Variants in DHDDS observed in about 807,000 individuals in gnomAD.
The protein encoded by DHDDS is dehydrodolichyl diphosphate synthase complex subunit DHDDS.
DHDDS carries 16 observed loss-of-function variants against 46.2 expected under a neutral mutation model. The observed-to-expected ratio is 0.35, with a 90% CI of 0.23 to 0.53. The LOEUF is 0.53. Ranked by LOEUF, DHDDS falls within the 20% of genes least tolerant of loss-of-function variation. The pLI is 0.94. For missense variants in DHDDS, 340 were observed against 423.7 expected, an observed-to-expected ratio of 0.80 and a Z score of 1.73; for synonymous variants, 151 against 163.1, an observed-to-expected ratio of 0.93 and a Z score of 0.56.
At chr1:26,449,784 C>T (rs1570347104) in intron 6 of DHDDS, among the ~76,000 whole-genome samples, 1 of 151,962 alleles carries the variant, frequency 6.6e-6, no homozygotes. Flanking sequence ...GTCTCAAACT[C>T]CCCACCTCAG....
rs868066836 is a variant in DHDDS, at chr1:26,465,793, A to G, written c.766-3102A>G. 5.3e-5 allele frequency among the ~76,000 whole-genome samples: 8 copies of G among 151,964 alleles called. No homozygotes were observed. The South Asian group carries it at 1.7e-3, about 32-fold the overall frequency. On this transcript the variant is annotated intron_variant, in intron 8 of 8. Transcript: ENST00000236342. ...CCAGTACAACTCCCCAGGCAAGGAG[A>G]CTCTGAGGGTGCTTCAGAACATCAT...
chr1:26,433,267 A>T (rs538099565), intron 2 of DHDDS: 1 of 544,684 alleles, frequency 1.8e-6, no homozygotes, highest in Non-Finnish European at 3.3e-6. Context: ...CTTTATAGAG[A>T]ACTGAAATTT....
At chr1:26,433,084 T>G (rs1387260022) in intron 2 of DHDDS, 76 bp downstream of exon 2, 8 of 1,501,152 alleles carry the variant, frequency 5.3e-6, no homozygotes, top group Non-Finnish European at 7.4e-6. Flanking sequence ...TTATTAAAGT[T>G]GATGATGTTA....
At chr1:26,451,350 C>T (rs1054897583) in intron 6 of DHDDS, among the ~76,000 whole-genome samples, 3 of 151,864 alleles carry the variant, frequency 2.0e-5, no homozygotes, top group Non-Finnish European at 4.4e-5. Flanking sequence ...TTCCTGATTT[C>T]TCACTATCAC....
chr1:26,434,054 T>G (rs1321625125), intron 2 of DHDDS, among the ~76,000 whole-genome samples: 2 of 152,170 alleles, frequency 1.3e-5, no homozygotes, highest in African/African-American at 4.8e-5. Flanking sequence ...GTTCTATCAT[T>G]TAGTAATCAT....
rs2075532834 is a variant in DHDDS, at chr1:26,469,656, C to T, written c.*525C>T. On this transcript the variant is annotated 3_prime_UTR_variant, in exon 9 of 9. Coordinates refer to ENST00000236342, the MANE Select transcript of DHDDS (RefSeq NM_205861.3). ...ATTTGCCCATCTGCTGCTCCTCCCC[C>T]TTGGCTCTCCACCTGGGATTTGCTA... 4.4e-6 allele frequency: 1 copy of T among 229,312 alleles called. No individual in the cohort carries two copies. The highest frequency in any genetic ancestry group is 5.1e-5 in the Admixed American group (1 of 19,492). The allele number at this position is 229,312 out of a possible 1,614,324, so 14.2% of individuals were successfully genotyped here.
chr1:26,468,756 C>A, intron 8 of DHDDS, 139 bp from the exon 9 acceptor site: 1 of 1,235,072 alleles, frequency 8.1e-7, no homozygotes. Context: ...ACTCCCAAGC[C>A]TTTTCAAATC....
rs1386486472 is a variant in DHDDS at position 26,469,367 on chromosome 1, G to A, written c.*236G>A. The stretch of plus-strand genomic sequence containing the variant: ...CACGAGTACACTAAACCTAGGTCTG[G>A]TCACCAATAGGGTTTGGAGAGCAAA... On this transcript the variant is annotated 3_prime_UTR_variant, in exon 9 of 9. Coordinates refer to ENST00000236342, the MANE Select transcript of DHDDS (RefSeq NM_205861.3). 7.3e-6 allele frequency: 5 copies of A among 681,436 alleles called. No homozygotes were observed. In the African/African-American group the frequency reaches 9.0e-5, roughly 12 times the overall value. The allele number at this position is 681,436 out of a possible 1,614,324, so 42.2% of individuals were successfully genotyped here. A position where few individuals can be genotyped will look rare whatever the true frequency, so the allele number is the denominator to read the frequency against.
At chr1:26,448,317 G>T (rs1009885741) in intron 6 of DHDDS, 3 of 153,376 alleles carry the variant, frequency 2.0e-5, no homozygotes, top group Admixed American at 2.0e-4. Flanking sequence ...GGGACTACAG[G>T]TGCATGCCAC....
chr1:26,432,903 G>C lies in DHDDS; in HGVS notation c.-43G>C, dbSNP rs2075117884. On this transcript the variant is annotated 5_prime_UTR_variant, in exon 2 of 9. Coordinates refer to ENST00000236342, the MANE Select transcript of DHDDS (RefSeq NM_205861.3). ...TTGTTTATCCAAGATTACCTGGCTGGTGTTTGCTTGTTCTGGAGTGATCTT... is the reference window on the plus strand; with the variant it reads ...TTGTTTATCCAAGATTACCTGGCTGCTGTTTGCTTGTTCTGGAGTGATCTT... 1 of 1,601,432 alleles carries C rather than the reference G, an allele frequency of 6.2e-7. No individual in the cohort carries two copies. Among genetic ancestry groups the C allele is most frequent in the South Asian group, 1.1e-5 (1 of 90,772 alleles).
At chr1:26,451,604 C>T (rs2075321195) in intron 6 of DHDDS, among the ~76,000 whole-genome samples, 1 of 151,116 alleles carries the variant, frequency 6.6e-6, no homozygotes, top group South Asian at 2.1e-4. Flanking sequence ...TATAGGTGCA[C>T]ACCACCACAC....
intron 6 of DHDDS, chr1:26,448,018 G>A (rs2075286083): frequency 1.9e-6 from 1 of 516,684 alleles, no homozygotes; most frequent in East Asian, 3.1e-5. Context: ...AAACCCCAGA[G>A]AAAGAGCAAA....
chr1:26,462,150 G>T (rs1041035265), intron 8 of DHDDS, among the ~76,000 whole-genome samples: 6 of 150,894 alleles, frequency 4.0e-5, no homozygotes, highest in Admixed American at 6.6e-5. Flanking sequence ...CTCCCAAGTA[G>T]CTAGGACTAT....
intron 8 of DHDDS, among the ~76,000 whole-genome samples, chr1:26,462,555 A>G (rs950908509): frequency 6.6e-6 from 1 of 152,166 alleles, no homozygotes; most frequent in Non-Finnish European, 1.5e-5. Flanking sequence ...TAAATCAGCT[A>G]TAGACAAGGA....
chr1:26,469,305 G>T lies in DHDDS; in HGVS notation c.*174G>T, dbSNP rs1022655060. On this transcript the variant is annotated 3_prime_UTR_variant, in exon 9 of 9. Coordinates refer to ENST00000236342, the MANE Select transcript of DHDDS (RefSeq NM_205861.3). ...CCATAGATACCTTTGGGCTGCCTGG[G>T]ACAGGCTCCTGAGGAGGATTGAGGG... The T allele has an allele frequency of 4.4e-5, 53 of 1,211,674 alleles. No individual in the cohort carries two copies. Among genetic ancestry groups the T allele is most frequent in the African/African-American group, 6.0e-5 (4 of 66,814 alleles). 75.1% of individuals were successfully genotyped at this position (1,211,674 alleles called of 1,614,324 possible).
chr1:26,438,451 G>A (rs1031262461), intron 3 of DHDDS, 167 bp downstream of exon 3: 7 of 687,586 alleles, frequency 1.0e-5, no homozygotes, highest in South Asian at 5.0e-5. Context: ...TTGGCCAGAC[G>A]TGGTTGCTTT....
intron 2 of DHDDS, among the ~76,000 whole-genome samples, chr1:26,437,946 A>G (rs551649006): frequency 6.6e-6 from 1 of 152,138 alleles, no homozygotes; most frequent in Non-Finnish European, 1.5e-5. Context: ...ATACCATTGC[A>G]TTCCCACCTG....
intron 3 of DHDDS, among the ~76,000 whole-genome samples, chr1:26,440,986 G>C (rs1424474514): frequency 6.6e-6 from 1 of 151,186 alleles, no homozygotes; most frequent in South Asian, 2.1e-4. Flanking sequence ...GTGCAGTGGC[G>C]CGATCTCAGT....
At chr1:26,455,603 C>T (rs761265181) in intron 6 of DHDDS, among the ~76,000 whole-genome samples, 14 of 152,122 alleles carry the variant, frequency 9.2e-5, no homozygotes, top group East Asian at 3.9e-4. Context: ...AAAAATTAGC[C>T]GGGTGTGGTG....
Sources: allele counts gnomAD v4.1 joint callset (sites outside exome capture counted in the v4.1 genomes callset), GRCh38; gene constraint gnomAD v4.1.1; transcripts MANE v1.5; gene names NCBI Gene and HGNC (gene_info 2026-07-23, HGNC 2026-07-21).